Variants in GRM8 observed in about 807,000 individuals in gnomAD.
The protein encoded by GRM8 is glutamate metabotropic receptor 8, also known as metabotropic glutamate receptor 8.
Under a neutral mutation model 87.2 loss-of-function variants are expected in GRM8, and 47 were observed. The observed-to-expected ratio is 0.54, with a 90% CI of 0.43 to 0.69. The LOEUF (loss-of-function observed/expected upper bound fraction) is 0.69, where lower values mean the gene tolerates loss of function less well. GRM8 is among the 30% of genes least tolerant of loss of function. The pLI, the probability that GRM8 is intolerant of heterozygous loss-of-function variation, is 0.00. For missense variants in GRM8, 1,019 were observed against 1,139.2 expected (o/e 0.89, Z 1.52); for synonymous variants, 396 against 404.5 (o/e 0.98, Z 0.25).
intron 2 of GRM8, among the ~76,000 whole-genome samples, chr7:127,136,300 T>C (rs1201518274): frequency 6.6e-6 from 1 of 152,116 alleles, no homozygotes; most frequent in African/African-American, 2.4e-5. Flanking sequence ...ACACTGCGAA[T>C]AGTCTAACTC....
chr7:126,919,081 TA>T (rs572000714), intron 3 of GRM8, among the ~76,000 whole-genome samples: 55 of 147,216 alleles, frequency 3.7e-4, no homozygotes, highest in South Asian at 4.3e-4. Context: ...TTAGCTTGTT[TA>T]AAAAAAAAAA....
intron 6 of GRM8, among the ~76,000 whole-genome samples, chr7:126,801,393 T>C (rs1822666706): frequency 1.3e-5 from 1 of 74,628 alleles, no homozygotes; most frequent in South Asian, 4.1e-4. Flanking sequence ...AAATTTATGA[T>C]CTAGATCTAT....
At chr7:126,563,934 T>A (rs982625634) in intron 8 of GRM8, among the ~76,000 whole-genome samples, 2 of 152,222 alleles carry the variant, frequency 1.3e-5, no homozygotes, top group East Asian at 3.8e-4. Flanking sequence ...GCTGCAGAAT[T>A]TCTGGAGAAC....
At chr7:126,912,642 C>T (rs955347950) in intron 3 of GRM8, among the ~76,000 whole-genome samples, 4 of 152,208 alleles carry the variant, frequency 2.6e-5, no homozygotes, top group African/African-American at 9.7e-5. Context: ...AGGGCATTCC[C>T]TCACAGGGTT....
intron 3 of GRM8, among the ~76,000 whole-genome samples, chr7:127,056,333 G>A (rs1419483909): frequency 9.2e-5 from 14 of 152,144 alleles, no homozygotes. Context: ...AGAAGCAGGA[G>A]ATCACACAAA....
chr7:126,962,231 T>C (rs1204579), intron 3 of GRM8, among the ~76,000 whole-genome samples: 68,354 of 151,914 alleles, frequency 0.45, 15,935 homozygotes, highest in East Asian at 0.67. Flanking sequence ...GGTATTAGGG[T>C]CAAGCAAATT....
chr7:127,008,842 C>T (rs1384764315), intron 3 of GRM8, among the ~76,000 whole-genome samples: 4 of 152,046 alleles, frequency 2.6e-5, no homozygotes, highest in Non-Finnish European at 5.9e-5. Context: ...CGTTGCTCAT[C>T]AAAGATGTCA....
chr7:126,775,303 G>A (rs950759499), intron 6 of GRM8, among the ~76,000 whole-genome samples: 2 of 151,948 alleles, frequency 1.3e-5, no homozygotes, highest in African/African-American at 2.4e-5. Context: ...AATTTCACAG[G>A]AGCTTCTCTG....
intron 6 of GRM8, among the ~76,000 whole-genome samples, chr7:126,879,864 CA>C (rs1414632233): frequency 1.3e-5 from 2 of 152,046 alleles, no homozygotes; most frequent in Non-Finnish European, 2.9e-5. Flanking sequence ...TAAGGTTAGT[CA>C]GGGGTGAGAG....
At chr7:126,729,921 A>T (rs1813411723) in intron 7 of GRM8, among the ~76,000 whole-genome samples, 1 of 152,182 alleles carries the variant, frequency 6.6e-6, no homozygotes, top group Non-Finnish European at 1.5e-5. Context: ...CAATGTCACA[A>T]ATCTAAAGAG....
intron 6 of GRM8, among the ~76,000 whole-genome samples, chr7:126,788,408 T>G (rs1820861874): frequency 1.2e-3 from 1 of 866 alleles, no homozygotes. Flanking sequence ...AGACTCCATC[T>G]CAAAAAAAAA....
chr7:127,148,474 C>T (rs889082224), intron 2 of GRM8, among the ~76,000 whole-genome samples: 14 of 151,494 alleles, frequency 9.2e-5, no homozygotes, highest in African/African-American at 3.1e-4. Flanking sequence ...ACCAAATGGG[C>T]CTAGGAGACA....
At chr7:126,792,449 C>A (rs919112504) in intron 6 of GRM8, among the ~76,000 whole-genome samples, 1 of 152,206 alleles carries the variant, frequency 6.6e-6, no homozygotes, top group African/African-American at 2.4e-5. Context: ...TAGGGCCCAA[C>A]AGTCTATACT....
chr7:126,673,920 C>T (rs941162767), intron 7 of GRM8, among the ~76,000 whole-genome samples: 2 of 152,034 alleles, frequency 1.3e-5, no homozygotes, highest in Admixed American at 6.6e-5. Context: ...AGTTGGCGTT[C>T]GATTAGCCTT....
At chr7:127,176,907 G>A (rs1014530879) in intron 2 of GRM8, among the ~76,000 whole-genome samples, 4 of 152,160 alleles carry the variant, frequency 2.6e-5, no homozygotes, top group African/African-American at 9.7e-5. Flanking sequence ...GGGATCCATT[G>A]GGAGGGTGAC....
chr7:126,666,555 T>G (rs942368512), intron 7 of GRM8, among the ~76,000 whole-genome samples: 2 of 152,166 alleles, frequency 1.3e-5, no homozygotes, highest in African/African-American at 4.8e-5. Flanking sequence ...GGCTGATGTA[T>G]CAATCCTACT....
At chr7:126,833,368 C>T (rs1795566355) in intron 6 of GRM8, among the ~76,000 whole-genome samples, 1 of 152,192 alleles carries the variant, frequency 6.6e-6, no homozygotes, top group Non-Finnish European at 1.5e-5. Context: ...AAGTTAACTC[C>T]AGCTATGTCC....
intron 8 of GRM8, among the ~76,000 whole-genome samples, chr7:126,607,717 CTTTAAG>C (rs776828084): frequency 1.3e-5 from 2 of 151,862 alleles, no homozygotes; most frequent in African/African-American, 2.4e-5. Flanking sequence ...TATTATTATA[CTTTAAG>C]TTTTAGGGTA....
At chr7:127,072,050 G>A (rs1017952698) in intron 3 of GRM8, among the ~76,000 whole-genome samples, 2 of 151,452 alleles carry the variant, frequency 1.3e-5, no homozygotes, top group East Asian at 1.9e-4. Flanking sequence ...CTTCAGTGCC[G>A]CTCTTCTTCC....
Sources: allele counts gnomAD v4.1 joint callset (sites outside exome capture counted in the v4.1 genomes callset), GRCh38; gene constraint gnomAD v4.1.1; transcripts MANE v1.5; gene names NCBI Gene and HGNC (gene_info 2026-07-23, HGNC 2026-07-21).